The following PCLO variants were observed in gnomAD, a reference collection of about 807,000 sequenced individuals.
PCLO encodes the protein piccolo presynaptic cytomatrix protein, also known as protein piccolo.
In PCLO, 82 loss-of-function variants were observed where a neutral mutation model predicts 427.5. The observed-to-expected ratio is 0.19, with a 90% CI of 0.16 to 0.23. PCLO has a LOEUF of 0.23. Ranked by LOEUF, PCLO falls within the 10% of genes least tolerant of loss-of-function variation. The probability of loss-of-function intolerance (pLI) is 1.00; values close to 1 mark genes in which losing one functional copy is unlikely to be tolerated. For missense variants in PCLO, 6,239 were observed against 6,115.9 expected, an observed-to-expected ratio of 1.02 and a Z score of -0.67; for synonymous variants, 2,357 against 2,155.4, an observed-to-expected ratio of 1.09 and a Z score of -2.59.
Position 82,794,473 on chromosome 7 carries a change from T to C in PCLO, c.15007+7045A>G, listed in dbSNP as rs1185911877. ...AAATTTTTTTTCTTTTTTTTTTTTT[T>C]TTTTTTTTTTTTTTTTGAGACACAG... On this transcript the variant is annotated intron_variant, in intron 22 of 24. Transcript: ENST00000333891. Among the ~76,000 whole-genome samples, 76 of 101,848 alleles carry C rather than the reference T, an allele frequency of 7.5e-4. 3 individuals are homozygous for C. The highest frequency in any genetic ancestry group is 2.4e-3 in the South Asian group (6 of 2,476). 66.8% of individuals were successfully genotyped at this position (101,848 alleles called of 152,430 possible).
chr7:82,952,485 G>A lies in PCLO; in HGVS notation c.8468C>T (p.Pro2823Leu). 6.2e-7 allele frequency: 1 copy of A among 1,613,848 alleles called. No individual in the cohort carries two copies. Among genetic ancestry groups the A allele is most frequent in the Non-Finnish European group, 8.5e-7 (1 of 1,179,812 alleles). ...LVGAEHAMTTPLQLTTSKHAE... is the reference protein window; with the variant it reads ...LVGAEHAMTTLLQLTTSKHAE... ...ATGCTTTGATGTTGTAAGTTGGAGT[G>A]GTGTTGTCATTGCATGTTCTGCACC... is the stretch of plus-strand genomic sequence containing the variant. Residue 2823 changes from proline to leucine, a missense_variant, in exon 5 of 25, where the codon CCA (proline) becomes CTA (leucine). This residue lies in a region of PCLO where 4,677 missense variants were observed against 4,468.4 expected (regional missense o/e 1.05). Coordinates refer to ENST00000333891, the MANE Select transcript of PCLO (RefSeq NM_033026.6).
At chr7:82,856,809 A>C (rs892285177) in intron 10 of PCLO, among the ~76,000 whole-genome samples, 1 of 151,968 alleles carries the variant, frequency 6.6e-6, no homozygotes, top group Non-Finnish European at 1.5e-5. Context: ...CTCCTCAAAA[A>C]CTCATGTTGC....
chr7:82,867,463 C>T (rs1793125130), intron 10 of PCLO, among the ~76,000 whole-genome samples: 1 of 152,156 alleles, frequency 6.6e-6, no homozygotes, highest in Non-Finnish European at 1.5e-5. Flanking sequence ...ACTCTAAAAG[C>T]ATGGCTGTCT....
intron 3 of PCLO, among the ~76,000 whole-genome samples, chr7:83,053,736 T>G (rs1002972618): frequency 3.9e-5 from 6 of 152,094 alleles, no homozygotes; most frequent in African/African-American, 4.8e-5. Context: ...AATAACTCTC[T>G]TCTTTTCAAT....
chr7:82,872,498 G>C (rs1375950975), intron 10 of PCLO, among the ~76,000 whole-genome samples: 2 of 152,054 alleles, frequency 1.3e-5, no homozygotes, highest in Non-Finnish European at 2.9e-5. Context: ...CCTGACAAAT[G>C]TAAAAACAGT....
intron 16 of PCLO, among the ~76,000 whole-genome samples, chr7:82,832,722 C>G (rs1792125641): frequency 6.6e-6 from 1 of 150,950 alleles, no homozygotes; most frequent in Non-Finnish European, 1.5e-5. Flanking sequence ...TTTGGTGTAT[C>G]TACTTTCATA....
chr7:82,826,578 C>A lies in PCLO; in HGVS notation c.14415+11G>T. On this transcript the variant is annotated intron_variant, in intron 18 of 24. Transcript: ENST00000333891. ...TAGCAGCAAATAAGGGAAAGGAAGT[C>A]AGAGGCTTACCTCCCCAAGGAAGTC... is the stretch of plus-strand genomic sequence containing the variant. 1 of 1,567,040 alleles carries A rather than the reference C, an allele frequency of 6.4e-7. No homozygotes were observed. The highest frequency in any genetic ancestry group is 8.8e-7 in the Non-Finnish European group (1 of 1,142,188).
chr7:82,905,859 G>A lies in PCLO; in HGVS notation c.13437+3018C>T, dbSNP rs142055712. 3.7e-3 allele frequency among the ~76,000 whole-genome samples: 561 copies of A among 152,044 alleles called. 4 individuals carry two copies. The highest frequency in any genetic ancestry group is 6.0e-3 in the Non-Finnish European group (407 of 67,962). ...AGGGATTTTATAATAGTCAAGAAGTGCTGACCTTTACAACCACCCTGTGAA... is the reference window on the plus strand; with the variant it reads ...AGGGATTTTATAATAGTCAAGAAGTACTGACCTTTACAACCACCCTGTGAA... On this transcript the variant is annotated intron_variant, in intron 8 of 24. Coordinates refer to ENST00000333891, the MANE Select transcript of PCLO (RefSeq NM_033026.6).
chr7:82,883,538 A>G (rs906804542), intron 9 of PCLO, among the ~76,000 whole-genome samples: 7 of 150,142 alleles, frequency 4.7e-5, no homozygotes, highest in Admixed American at 2.6e-4. Context: ...ATTTAAAAAA[A>G]AATTCCTATA....
intron 19 of PCLO, 98 bp from the exon 20 acceptor site, chr7:82,822,787 T>C (rs932375730): frequency 6.4e-6 from 6 of 937,410 alleles, no homozygotes; most frequent in South Asian, 1.4e-5. Context: ...AAATTTATGT[T>C]AATTCTGAGT....
chr7:82,788,074 G>A (rs1335404938), intron 22 of PCLO, among the ~76,000 whole-genome samples: 3 of 151,722 alleles, frequency 2.0e-5, no homozygotes, highest in South Asian at 2.1e-4. Flanking sequence ...ACCATAGAAT[G>A]TGAAATGGAC....
intron 3 of PCLO, among the ~76,000 whole-genome samples, chr7:82,969,015 AAAG>A (rs1795844982): frequency 6.6e-6 from 1 of 152,214 alleles, no homozygotes; most frequent in Non-Finnish European, 1.5e-5. Context: ...TTTGTCATTT[AAAG>A]AAGTGAGACT....
Position 82,916,294 on chromosome 7 carries a change from G to A in PCLO, c.11692C>T (p.Gln3898Ter). 1 of 1,613,636 alleles carries A rather than the reference G, an allele frequency of 6.2e-7. No individual in the cohort carries two copies. Among genetic ancestry groups the A allele is most frequent in the Non-Finnish European group, 8.5e-7 (1 of 1,179,678 alleles). The part of the protein sequence containing the change: ...YQYSSPALPT[Q>*]APTSYTQQSH... Reference sequence around the variant, plus strand: ...TGTTGAGTGTATGAGGTGGGTGCTTGGGTAGGAAGAGCAGGGGAAGAGTAC... The same window carrying A: ...TGTTGAGTGTATGAGGTGGGTGCTTAGGTAGGAAGAGCAGGGGAAGAGTAC... Residue 3898 changes from glutamine (Q) to a stop codon, truncating the protein, a stop_gained, in exon 7 of 25, where the codon CAA (glutamine) becomes TAA (stop). Transcript: ENST00000333891. LOFTEE classifies it high-confidence loss of function.
At chr7:83,142,750 G>A (rs986550182) in intron 2 of PCLO, among the ~76,000 whole-genome samples, 1 of 152,140 alleles carries the variant, frequency 6.6e-6, no homozygotes, top group African/African-American at 2.4e-5. Flanking sequence ...CCTGAGGTCA[G>A]GAGTCCAAAA....
At position 82,810,511 on chromosome 7, in the gene PCLO, T is replaced by C. The variant is rs1791547263; in HGVS notation, c.14792-4682A>G. On this transcript the variant is annotated intron_variant, in intron 20 of 24. Transcript: ENST00000333891. ...TAAATATATGATAGAATCAGCTCACTCATAGAAAGGGTCCTGTGCCCTAAA... is the reference window on the plus strand; with the variant it reads ...TAAATATATGATAGAATCAGCTCACCCATAGAAAGGGTCCTGTGCCCTAAA... 1.3e-5 allele frequency among the ~76,000 whole-genome samples: 2 copies of C among 151,518 alleles called. 1 individual carries two copies. Among genetic ancestry groups the C allele is most frequent in the South Asian group, 4.1e-4 (2 of 4,828 alleles).
In PCLO at chr7:82,827,936, G is replaced by A. The variant is rs1414281364; in HGVS notation, c.14280C>T (p.Val4760=). 2 of 1,602,154 alleles carry A rather than the reference G, an allele frequency of 1.2e-6. No homozygotes were observed. Among genetic ancestry groups the A allele is most frequent in the Non-Finnish European group, 8.5e-7 (1 of 1,170,448 alleles). Reference sequence around the variant, plus strand: ...TCCACTCAGGATTAAGACTTTTCTGGACATGTTTAGTCCTTCTCTTGTACT... The same window carrying A: ...TCCACTCAGGATTAAGACTTTTCTGAACATGTTTAGTCCTTCTCTTGTACT... ...SAEYKRRTKH[V]QKSLNPEWNQ... Residue 4760 remains valine, a synonymous_variant, in exon 17 of 25, where the codon GTC becomes GTT. Coordinates refer to ENST00000333891, the MANE Select transcript of PCLO (RefSeq NM_033026.6).
intron 3 of PCLO, among the ~76,000 whole-genome samples, chr7:83,101,278 A>T (rs961415751): frequency 1.3e-4 from 17 of 135,276 alleles, no homozygotes; most frequent in African/African-American, 4.4e-4. Flanking sequence ...CCAAAAAATA[A>T]TTTTTACAGT....
At chr7:83,037,227 G>A (rs983861737) in intron 3 of PCLO, among the ~76,000 whole-genome samples, 13 of 151,960 alleles carry the variant, frequency 8.6e-5, no homozygotes, top group Non-Finnish European at 1.8e-4. Flanking sequence ...ACAGAGGTCT[G>A]GCTTGCAAAA....
At chr7:82,803,996 A>G (rs953309902) in intron 21 of PCLO, among the ~76,000 whole-genome samples, 8 of 152,252 alleles carry the variant, frequency 5.3e-5, no homozygotes, top group African/African-American at 1.7e-4. Flanking sequence ...AAAATGACAT[A>G]TTTACTTTTT....
Sources: allele counts gnomAD v4.1 joint callset (sites outside exome capture counted in the v4.1 genomes callset), GRCh38; gene constraint gnomAD v4.1.1; regional missense constraint gnomAD v4.1.1; transcripts MANE v1.5; gene names NCBI Gene and HGNC (gene_info 2026-07-23, HGNC 2026-07-21).